Variants in ULK4 observed in about 807,000 individuals in gnomAD.
ULK4 encodes the protein inactive serine/threonine-protein kinase ULK4.
A neutral mutation model predicts 160.6 loss-of-function variants in ULK4; 133 were observed. That is an observed-to-expected ratio of 0.83 (90% CI 0.72 to 0.96). The LOEUF is 0.96. Ranked by LOEUF, ULK4 falls within the 40% of genes least tolerant of loss-of-function variation. ULK4 has a pLI of 0.00. For synonymous variants in ULK4, 534 were observed against 539.8 expected (o/e 0.99, Z 0.15); for missense variants, 1,580 against 1,499.5 (o/e 1.05, Z -0.89).
intron 30 of ULK4, among the ~76,000 whole-genome samples, chr3:41,657,818 T>TCAAAAAAAAAAAA (rs1491095343): frequency 1.0e-5 from 1 of 99,760 alleles, no homozygotes; most frequent in Non-Finnish European, 1.8e-5. Flanking sequence ...TCCATCTCAT[T>TCAAAAAAAAAAAA]AAAAAAAAAA....
At chr3:41,534,645 G>A (rs2086433126) in intron 32 of ULK4, among the ~76,000 whole-genome samples, 1 of 151,970 alleles carries the variant, frequency 6.6e-6, no homozygotes. Context: ...ACTGAACTGA[G>A]GTCCTTACTG....
intron 35 of ULK4, among the ~76,000 whole-genome samples, chr3:41,302,922 G>A (rs1006323390): frequency 1.4e-4 from 22 of 152,056 alleles, no homozygotes; most frequent in African/African-American, 5.3e-4. Context: ...TTCAATATGG[G>A]AGAATTTTAT....
At chr3:41,268,130 A>C (rs1178927426) in intron 35 of ULK4, among the ~76,000 whole-genome samples, 4 of 152,180 alleles carry the variant, frequency 2.6e-5, no homozygotes, top group African/African-American at 9.7e-5. Context: ...AAATGCTGCT[A>C]TACACTCCAT....
chr3:41,882,372 C>T, intron 17 of ULK4: 1 of 682,530 alleles, frequency 1.5e-6, no homozygotes, highest in Non-Finnish European at 2.7e-6. Context: ...TTGGAAATTA[C>T]AGGGTGGTCG....
At chr3:41,323,313 A>G (rs1021309564) in intron 35 of ULK4, among the ~76,000 whole-genome samples, 4 of 151,596 alleles carry the variant, frequency 2.6e-5, no homozygotes, top group Admixed American at 6.6e-5. Context: ...TAAATTCATT[A>G]GAGTGGGGAT....
intron 33 of ULK4, 102 bp downstream of exon 33, chr3:41,462,985 A>C: frequency 7.3e-7 from 1 of 1,363,026 alleles, no homozygotes; most frequent in Non-Finnish European, 9.9e-7. Context: ...CATTCTTTTA[A>C]ATAAGTAAAG....
intron 32 of ULK4, among the ~76,000 whole-genome samples, chr3:41,547,602 C>T (rs990822990): frequency 3.9e-5 from 6 of 152,140 alleles, no homozygotes; most frequent in African/African-American, 1.4e-4. Context: ...GGCACCGCTC[C>T]AGACAGGGAT....
chr3:41,646,048 G>C (rs2034473840), intron 30 of ULK4, among the ~76,000 whole-genome samples: 1 of 152,156 alleles, frequency 6.6e-6, no homozygotes, highest in Non-Finnish European at 1.5e-5. Context: ...TTGCCTGGTA[G>C]ATCTTCCTCC....
chr3:41,894,953 C>T (rs534802588), intron 16 of ULK4, among the ~76,000 whole-genome samples: 4 of 152,252 alleles, frequency 2.6e-5, no homozygotes, highest in South Asian at 2.1e-4. Context: ...TTCCTTCCAT[C>T]GGGAGTTTAT....
In ULK4 at chr3:41,566,081, A is replaced by G; in HGVS notation, c.3170T>C (p.Leu1057Ser). 2 of 1,613,920 alleles carry G rather than the reference A, an allele frequency of 1.2e-6. No individual in the cohort carries two copies. The highest frequency in any genetic ancestry group is 1.7e-6 in the Non-Finnish European group (2 of 1,179,958). ...LGNTMQSVIALLSNLVACKDS... is the reference protein window; with the variant it reads ...LGNTMQSVIASLSNLVACKDS... ...TTTGCAGGCAACTAGATTGCTGAGTAATGCAATCACACTTTGCATGGTATT... is the reference window on the plus strand; with the variant it reads ...TTTGCAGGCAACTAGATTGCTGAGTGATGCAATCACACTTTGCATGGTATT... Residue 1057 changes from leucine (L) to serine (S), a missense_variant, in exon 32 of 37, where the codon TTA (leucine) becomes TCA (serine). Leu to Ser is a moderately radical substitution (Grantham distance 145, BLOSUM62 -2). Coordinates refer to ENST00000301831, the MANE Select transcript of ULK4 (RefSeq NM_017886.4).
At chr3:41,824,853 G>T (rs537435932) in intron 18 of ULK4, among the ~76,000 whole-genome samples, 1 of 152,014 alleles carries the variant, frequency 6.6e-6, no homozygotes. Context: ...ATCTGAGAAC[G>T]GACAGACTGC....
intron 21 of ULK4, among the ~76,000 whole-genome samples, chr3:41,787,495 C>T (rs1040891983): frequency 1.3e-5 from 2 of 152,150 alleles, no homozygotes; most frequent in African/African-American, 4.8e-5. Flanking sequence ...CATCCCAACC[C>T]AGCAACATCA....
At chr3:41,347,686 C>T (rs1457899955) in intron 35 of ULK4, among the ~76,000 whole-genome samples, 1 of 152,132 alleles carries the variant, frequency 6.6e-6, no homozygotes, top group Non-Finnish European at 1.5e-5. Flanking sequence ...CGGATACCAC[C>T]TTGTCTAAGA....
Position 41,417,557 on chromosome 3 carries a change from GA to G in ULK4, c.3493-19294del, listed in dbSNP as rs1233618997. The stretch of plus-strand genomic sequence containing the variant: ...AAGGCTCCCCCTGGGAGAGCTCCAA[GA>G]AGGCAGATAACTGATTGTACTTAAT... On this transcript the variant is annotated intron_variant, in intron 34 of 36. Coordinates refer to ENST00000301831, the MANE Select transcript of ULK4 (RefSeq NM_017886.4). Among the ~76,000 whole-genome samples the G allele has an allele frequency of 2.6e-5, 4 of 152,312 alleles. No homozygotes were observed. The East Asian group carries it at 7.7e-4, about 29-fold the overall frequency.
chr3:41,931,816 G>C, intron 5 of ULK4, 28 bp downstream of exon 5: 1 of 1,612,294 alleles, frequency 6.2e-7, no homozygotes, highest in African/African-American at 1.3e-5. Flanking sequence ...CTAGAGTTAT[G>C]ATCTTTAAGC....
At chr3:41,829,406 G>T in intron 18 of ULK4, among the ~76,000 whole-genome samples, 1 of 145,062 alleles carries the variant, frequency 6.9e-6, no homozygotes, top group Non-Finnish European at 1.5e-5. Flanking sequence ...ATCTGACAAA[G>T]GGCTAATATC....
At chr3:41,832,740 T>A (rs775818496) in intron 18 of ULK4, among the ~76,000 whole-genome samples, 10 of 152,210 alleles carry the variant, frequency 6.6e-5, no homozygotes, top group Non-Finnish European at 1.5e-4. Flanking sequence ...ATGCATCCAG[T>A]TTCAGTTTTC....
chr3:41,896,803 G>GCAT lies in ULK4; in HGVS notation c.1530+16_1530+18dup. 1.9e-6 allele frequency: 3 copies of GCAT among 1,597,376 alleles called. No homozygotes were observed. Among genetic ancestry groups the GCAT allele is most frequent in the Non-Finnish European group, 2.6e-6 (3 of 1,173,462 alleles). On this transcript the variant is annotated intron_variant, in intron 15 of 36. Coordinates refer to ENST00000301831, the MANE Select transcript of ULK4 (RefSeq NM_017886.4). ...AAAAACACAAATTAAAATGCATAAG[G>GCAT]CATGTCACACAGGCTTACCAGGGGG... is the stretch of plus-strand genomic sequence containing the variant.
chr3:41,882,453 T>G (rs572445327), intron 17 of ULK4, among the ~76,000 whole-genome samples: 3 of 152,350 alleles, frequency 2.0e-5, no homozygotes, highest in African/African-American at 7.2e-5. Flanking sequence ...ATAGCCATAG[T>G]GGCTGGTGGC....
Sources: gnomAD v4.1 joint callset for allele counts (sites outside exome capture counted in the v4.1 genomes callset) on GRCh38, gnomAD v4.1.1 for gene constraint, MANE v1.5 for transcripts, NCBI Gene and HGNC (gene_info 2026-07-23, HGNC 2026-07-21) for gene names.